ATP2B1: variants seen among roughly 807,000 people sequenced by gnomAD.
ATP2B1 encodes the protein ATPase plasma membrane Ca2+ transporting 1, also known as plasma membrane calcium-transporting ATPase 1.
Under a neutral mutation model 124.2 loss-of-function variants are expected in ATP2B1, and 14 were observed. The ratio of observed to expected loss-of-function variants is 0.11; its 90% CI spans 0.07 to 0.18. The LOEUF is 0.18. Among genes scored for constraint, ATP2B1 ranks in the 10% least tolerant of loss-of-function variants. The pLI is 1.00. For synonymous variants in ATP2B1, 449 were observed against 492.4 expected, an observed-to-expected ratio of 0.91 and a Z score of 1.17; for missense variants, 763 against 1,466.1, an observed-to-expected ratio of 0.52 and a Z score of 7.83.
chr12:89,661,755 T>C (rs1407552142), intron 1 of ATP2B1, among the ~76,000 whole-genome samples: 3 of 152,214 alleles, frequency 2.0e-5, no homozygotes, highest in Admixed American at 2.0e-4. Flanking sequence ...TTTCTTTGTG[T>C]GTGTTTTTTT....
At chr12:89,671,209 AG>A (rs1465235990) in intron 1 of ATP2B1, among the ~76,000 whole-genome samples, 1 of 152,200 alleles carries the variant, frequency 6.6e-6, no homozygotes, top group Non-Finnish European at 1.5e-5. Context: ...CCAGGACTCA[AG>A]ATCTGACATT....
At chr12:89,644,743 C>A (rs1170411043) in intron 2 of ATP2B1, among the ~76,000 whole-genome samples, 3 of 152,140 alleles carry the variant, frequency 2.0e-5, no homozygotes, top group African/African-American at 7.2e-5. Context: ...ATGAGCCTAA[C>A]TCACACTGTA....
chr12:89,595,170 C>T (rs4240743), intron 20 of ATP2B1, among the ~76,000 whole-genome samples: 145,231 of 152,072 alleles, frequency 0.96, 69,403 homozygotes, highest in East Asian at 0.99. Flanking sequence ...TCTGCCCTTA[C>T]AGTGAAAAAT....
At chr12:89,599,427 C>G in intron 19 of ATP2B1, 128 bp from the exon 20 acceptor site, 3 of 967,946 alleles carry the variant, frequency 3.1e-6, no homozygotes, top group Non-Finnish European at 4.5e-6. Context: ...GTAATGGGAT[C>G]CTGTTGATTA....
intron 12 of ATP2B1, 103 bp from the exon 13 acceptor site, chr12:89,611,475 A>G: frequency 1.1e-6 from 1 of 895,924 alleles, no homozygotes; most frequent in Non-Finnish European, 1.6e-6. Context: ...CCCCCAAATG[A>G]TGACAATGAT....
chr12:89,645,010 A>G (rs1238519025), intron 2 of ATP2B1, among the ~76,000 whole-genome samples: 1 of 152,250 alleles, frequency 6.6e-6, no homozygotes, highest in Non-Finnish European at 1.5e-5. Flanking sequence ...CACCTAGGAC[A>G]CTATACCAAT....
At chr12:89,708,115 T>A (rs1358350) in intron 1 of ATP2B1, among the ~76,000 whole-genome samples, 93,259 of 151,850 alleles carry the variant, frequency 0.61, 29,704 homozygotes, top group East Asian at 0.75. Context: ...CCCGCTCCCC[T>A]CCCGCAGTGC....
Position 89,604,073 on chromosome 12 carries a change from A to G in ATP2B1, c.2634+82T>C. ...CCTAAAATATTAAGCTTCAGCTTAA[A>G]TATTAAGTATTTTTTAAGAGGCATT... On this transcript the variant is annotated intron_variant, in intron 16 of 20. Transcript: ENST00000428670. 9.0e-6 allele frequency: 13 copies of G among 1,443,398 alleles called. No individual in the cohort carries two copies. In the South Asian group the frequency reaches 1.7e-4, roughly 18 times the overall value. 89.4% of individuals were successfully genotyped at this position (1,443,398 alleles called of 1,614,324 possible). A position where few individuals can be genotyped will look rare whatever the true frequency, so the allele number is the denominator to read the frequency against.
At chr12:89,625,975 T>C (rs759964909) in intron 8 of ATP2B1, among the ~76,000 whole-genome samples, 4 of 152,166 alleles carry the variant, frequency 2.6e-5, no homozygotes, top group Non-Finnish European at 2.9e-5. Flanking sequence ...CCTTAAAGAA[T>C]GGCTGTATTA....
intron 20 of ATP2B1, 121 bp from the exon 21 acceptor site, chr12:89,591,416 C>T: frequency 1.2e-6 from 1 of 835,862 alleles, no homozygotes; most frequent in Non-Finnish European, 1.8e-6. Context: ...GCATGTAATG[C>T]AGTGGAACTT....
Position 89,611,382 on chromosome 12 carries a change from ATT to A in ATP2B1, c.2068-12_2068-11del. ...TAATTGCATCTGGCACCTGGTTTAC[ATT>A]AAAAAAAAAAATTACAAAGTTAATT... On this transcript the variant is annotated splice_polypyrimidine_tract_variant and intron_variant, in intron 12 of 20. Coordinates refer to ENST00000428670, the MANE Select transcript of ATP2B1 (RefSeq NM_001366521.1). 1 of 1,496,606 alleles carries A rather than the reference ATT, an allele frequency of 6.7e-7. No individual in the cohort carries two copies. The highest frequency in any genetic ancestry group is 8.9e-7 in the Non-Finnish European group (1 of 1,123,582). The allele number at this position is 1,496,606 out of a possible 1,614,324, so 92.7% of individuals were successfully genotyped here. A position where few individuals can be genotyped will look rare whatever the true frequency, so the allele number is the denominator to read the frequency against.
chr12:89,643,947 T>A (rs753127760), intron 2 of ATP2B1, among the ~76,000 whole-genome samples: 31 of 151,934 alleles, frequency 2.0e-4, no homozygotes, highest in Non-Finnish European at 4.1e-4. Context: ...CATGGTAAAA[T>A]CTCATTTCTA....
rs551232244 is a variant in ATP2B1 at position 89,677,912 on chromosome 12, A to T, written c.-221-21805T>A. Among the ~76,000 whole-genome samples the T allele has an allele frequency of 4.8e-4, 71 of 148,046 alleles. 1 individual carries two copies. Among genetic ancestry groups the T allele is most frequent in the South Asian group, 3.3e-3 (15 of 4,614 alleles). On this transcript the variant is annotated intron_variant, in intron 1 of 20. Transcript: ENST00000428670. ...AACAAATGACATTTTACAAATACTA[A>T]ATCCTGCCTTTGGATTTCAGGGGGT...
chr12:89,676,252 T>C (rs1278550799), intron 1 of ATP2B1, among the ~76,000 whole-genome samples: 1 of 152,156 alleles, frequency 6.6e-6, no homozygotes, highest in Admixed American at 6.6e-5. Context: ...TGAATTTACC[T>C]TGGATGTACA....
chr12:89,644,284 T>C (rs913072017), intron 2 of ATP2B1, among the ~76,000 whole-genome samples: 1 of 152,216 alleles, frequency 6.6e-6, no homozygotes, highest in African/African-American at 2.4e-5. Flanking sequence ...AGGAAAACAG[T>C]AGATTACTGT....
chr12:89,631,758 G>C (rs2681486), intron 5 of ATP2B1, among the ~76,000 whole-genome samples: 145,623 of 152,158 alleles, frequency 0.96, 69,729 homozygotes, highest in East Asian at 0.99. Flanking sequence ...AACAATTTTG[G>C]AAGTTGGCAG....
At chr12:89,670,768 A>T (rs1472403096) in intron 1 of ATP2B1, among the ~76,000 whole-genome samples, 1 of 152,136 alleles carries the variant, frequency 6.6e-6, no homozygotes, top group Non-Finnish European at 1.5e-5. Context: ...TAAATGCAAA[A>T]CGTAAACTAT....
intron 1 of ATP2B1, among the ~76,000 whole-genome samples, chr12:89,661,011 G>C (rs1247403712): frequency 6.6e-6 from 1 of 151,868 alleles, no homozygotes; most frequent in East Asian, 1.9e-4. Flanking sequence ...TCCATGACTG[G>C]TTCTATATGA....
chr12:89,645,071 G>C (rs1884239115), intron 2 of ATP2B1, among the ~76,000 whole-genome samples: 1 of 152,196 alleles, frequency 6.6e-6, no homozygotes, highest in Non-Finnish European at 1.5e-5. Context: ...TTCACCTACT[G>C]AAATCTTGTG....
Sources: gnomAD v4.1 joint callset for allele counts (sites outside exome capture counted in the v4.1 genomes callset) on GRCh38, gnomAD v4.1.1 for gene constraint, MANE v1.5 for transcripts, NCBI Gene and HGNC (gene_info 2026-07-23, HGNC 2026-07-21) for gene names.